Variants in GPC5 observed in about 807,000 individuals in gnomAD.
GPC5 encodes glypican 5.
A neutral mutation model predicts 53.9 loss-of-function variants in GPC5; 47 were observed. That is an observed-to-expected ratio of 0.87 (90% CI 0.69 to 1.11). The LOEUF is 1.11. Among genes scored for constraint, GPC5 ranks in the 50% most tolerant of loss-of-function variants. The pLI is 0.00. For missense variants in GPC5, 748 were observed against 713.1 expected, an observed-to-expected ratio of 1.05 and a Z score of -0.56; for synonymous variants, 286 against 263.3, an observed-to-expected ratio of 1.09 and a Z score of -0.84.
chr13:92,021,112 C>G (rs969108322), intron 6 of GPC5, among the ~76,000 whole-genome samples: 3 of 152,036 alleles, frequency 2.0e-5, no homozygotes, highest in African/African-American at 7.2e-5. Flanking sequence ...ACCATATGAT[C>G]CAGAAATTCC....
intron 7 of GPC5, among the ~76,000 whole-genome samples, chr13:92,433,055 G>A (rs1170524293): frequency 6.6e-6 from 1 of 152,138 alleles, no homozygotes; most frequent in Non-Finnish European, 1.5e-5. Flanking sequence ...TGTTGAAGGA[G>A]AATGAGTAGA....
chr13:92,351,483 A>G (rs1014020943), intron 7 of GPC5, among the ~76,000 whole-genome samples: 8 of 152,040 alleles, frequency 5.3e-5, no homozygotes, highest in African/African-American at 1.9e-4. Context: ...ATTTCTGTTC[A>G]ACATTGTTTC....
At chr13:92,012,090 A>G (rs1187980255) in intron 6 of GPC5, among the ~76,000 whole-genome samples, 1 of 152,216 alleles carries the variant, frequency 6.6e-6, no homozygotes, top group East Asian at 1.9e-4. Flanking sequence ...ATTTAATATT[A>G]TATGAAGCTC....
intron 7 of GPC5, among the ~76,000 whole-genome samples, chr13:92,659,398 A>C: frequency 1.7e-5 from 1 of 60,596 alleles, no homozygotes; most frequent in Middle Eastern, 0.018. Context: ...CATTTGGTTG[A>C]CTTTTTTTTT....
At chr13:92,175,427 G>A (rs1187187824) in intron 7 of GPC5, among the ~76,000 whole-genome samples, 1 of 152,128 alleles carries the variant, frequency 6.6e-6, no homozygotes, top group Non-Finnish European at 1.5e-5. Flanking sequence ...AAATTTAGTA[G>A]TGCGTTCTAA....
intron 6 of GPC5, among the ~76,000 whole-genome samples, chr13:92,110,914 A>C (rs2138926996): frequency 6.6e-6 from 1 of 152,302 alleles, no homozygotes; most frequent in South Asian, 2.1e-4. Context: ...AATCATCATG[A>C]TAATATATGT....
At chr13:92,335,094 T>C (rs1442139981) in intron 7 of GPC5, among the ~76,000 whole-genome samples, 1 of 152,114 alleles carries the variant, frequency 6.6e-6, no homozygotes, top group Non-Finnish European at 1.5e-5. Flanking sequence ...CAACCCCACA[T>C]TTCCCTTCAG....
At chr13:92,511,153 CTT>C (rs1269406797) in intron 7 of GPC5, among the ~76,000 whole-genome samples, 1 of 152,112 alleles carries the variant, frequency 6.6e-6, no homozygotes, top group Non-Finnish European at 1.5e-5. Flanking sequence ...CTTGAACAGA[CTT>C]TATTTCTGTT....
chr13:92,846,657 G>A lies in GPC5; in HGVS notation c.1562-19625G>A, dbSNP rs572703387. 3.3e-5 allele frequency among the ~76,000 whole-genome samples: 5 copies of A among 151,148 alleles called. No homozygotes were observed. In the South Asian group the frequency reaches 1.0e-3, roughly 31 times the overall value. On this transcript the variant is annotated intron_variant, in intron 7 of 7. Transcript: ENST00000377067. ...GCTAATATTAGTGAGAGTGAAATGA[G>A]AGAGTTTTATCATGTGCATAATGTG...
intron 7 of GPC5, among the ~76,000 whole-genome samples, chr13:92,324,898 T>G (rs1290736610): frequency 6.6e-6 from 1 of 151,944 alleles, no homozygotes; most frequent in African/African-American, 2.4e-5. Context: ...AGTTTATCAT[T>G]ATCTTGGCAC....
intron 7 of GPC5, among the ~76,000 whole-genome samples, chr13:92,763,372 G>A (rs564748902): frequency 9.2e-6 from 1 of 109,266 alleles, no homozygotes; most frequent in African/African-American, 3.2e-5. Context: ...TTCAGCTTTG[G>A]TCAATGTTTG....
intron 7 of GPC5, among the ~76,000 whole-genome samples, chr13:92,676,015 A>G (rs1387873747): frequency 1.3e-5 from 2 of 152,152 alleles, no homozygotes; most frequent in Non-Finnish European, 2.9e-5. Context: ...AAATGGCACT[A>G]TTTTATTCAA....
intron 7 of GPC5, among the ~76,000 whole-genome samples, chr13:92,462,615 C>T (rs1312221232): frequency 1.3e-5 from 2 of 151,964 alleles, no homozygotes; most frequent in Admixed American, 6.6e-5. Context: ...GGTGAGAGTT[C>T]TGGGCTGGAG....
intron 4 of GPC5, among the ~76,000 whole-genome samples, chr13:91,742,657 G>T (rs192044112): frequency 1.4e-3 from 208 of 152,258 alleles, no homozygotes; most frequent in African/African-American, 4.7e-3. Context: ...AACAATTACT[G>T]GAAATTATAG....
intron 7 of GPC5, among the ~76,000 whole-genome samples, chr13:92,398,296 G>T (rs2139332794): frequency 6.7e-6 from 1 of 149,336 alleles, no homozygotes; most frequent in South Asian, 2.1e-4. Context: ...GGGCGTAGTG[G>T]CGGGCGCCTG....
chr13:92,225,540 C>A (rs116977945), intron 7 of GPC5, among the ~76,000 whole-genome samples: 4,328 of 152,196 alleles, frequency 0.028, 85 homozygotes, highest in Non-Finnish European at 0.04. Context: ...GCAATTTAGT[C>A]TTTTATAAAT....
chr13:92,730,596 TTTTA>T (rs912214332), intron 7 of GPC5, among the ~76,000 whole-genome samples: 19 of 146,624 alleles, frequency 1.3e-4, no homozygotes, highest in African/African-American at 3.7e-4. Flanking sequence ...GCTTTTTTCT[TTTTA>T]TTTCTTTTTT....
chr13:91,490,874 C>T (rs1566445398), intron 2 of GPC5, among the ~76,000 whole-genome samples: 1 of 152,114 alleles, frequency 6.6e-6, no homozygotes, highest in African/African-American at 2.4e-5. Context: ...TATAGCACTT[C>T]ACCTTTTGAA....
At chr13:91,572,247 A>ATGTATGTGTATG (rs2031949066) in intron 2 of GPC5, among the ~76,000 whole-genome samples, 2 of 125,736 alleles carry the variant, frequency 1.6e-5, no homozygotes, top group South Asian at 2.5e-4. Context: ...ACATGTGTAT[A>ATGTATGTGTATG]TATATACACA....
Sources: allele counts gnomAD v4.1 joint callset (sites outside exome capture counted in the v4.1 genomes callset), GRCh38; gene constraint gnomAD v4.1.1; transcripts MANE v1.5; gene names NCBI Gene and HGNC (gene_info 2026-07-23, HGNC 2026-07-21).